The following MAEA variants were observed in gnomAD, a reference collection of about 807,000 sequenced individuals.
MAEA encodes the protein E3 ubiquitin-protein transferase MAEA.
In MAEA, 22 loss-of-function variants were observed where a neutral mutation model predicts 46.2. The observed-to-expected ratio is 0.48, with a 90% CI of 0.34 to 0.68. The LOEUF is 0.68. MAEA is among the 30% of genes least tolerant of loss of function. The pLI is 0.01. For missense variants in MAEA, 393 were observed against 558.1 expected, an observed-to-expected ratio of 0.70 and a Z score of 2.98; for synonymous variants, 246 against 222.6, an observed-to-expected ratio of 1.11 and a Z score of -0.94.
chr4:1,338,206 A>G, intron 7 of MAEA: 1 of 501,734 alleles, frequency 2.0e-6, no homozygotes. Flanking sequence ...GGCCGGGGTG[A>G]GAAGGCGCAG....
At chr4:1,328,956 G>T (rs990594270) in intron 5 of MAEA, 22 of 993,028 alleles carry the variant, frequency 2.2e-5, no homozygotes, top group Non-Finnish European at 2.3e-5. Context: ...CACGGCCAGG[G>T]GCCCCCTGTC....
intron 1 of MAEA, among the ~76,000 whole-genome samples, chr4:1,296,681 C>T (rs1004582099): frequency 2.0e-5 from 3 of 151,902 alleles, no homozygotes; most frequent in Non-Finnish European, 4.4e-5. Flanking sequence ...CTGTCTCTGC[C>T]CCTTCATGTC....
chr4:1,324,977 C>A (rs1398725007), intron 4 of MAEA, among the ~76,000 whole-genome samples: 1 of 152,028 alleles, frequency 6.6e-6, no homozygotes, highest in African/African-American at 2.4e-5. Flanking sequence ...CTGGACGGGG[C>A]CTGAATCCAT....
In MAEA at chr4:1,315,546, G is replaced by A; in HGVS notation, c.402G>A (p.Leu134=). 1 of 1,613,808 alleles carries A rather than the reference G, an allele frequency of 6.2e-7. No individual in the cohort carries two copies. The highest frequency in any genetic ancestry group is 1.7e-5 in the Admixed American group (1 of 60,018). Residue 134 remains leucine (L), a synonymous_variant, in exon 3 of 9, where the codon CTG becomes CTA. Transcript: ENST00000303400. The part of the protein sequence containing the change: ...RMDRMMVEHL[L]RCGYYNTAVK... ...ATCGCATGATGGTGGAGCACCTGCTGCGTTGCGGCTACTACAACACGGCTG... is the reference window on the plus strand; with the variant it reads ...ATCGCATGATGGTGGAGCACCTGCTACGTTGCGGCTACTACAACACGGCTG...
At chr4:1,324,322 T>A (rs975881226) in intron 4 of MAEA, among the ~76,000 whole-genome samples, 4 of 130,244 alleles carry the variant, frequency 3.1e-5, no homozygotes, top group African/African-American at 8.9e-5. Context: ...TTGAGATTGG[T>A]TTGGATGAAG....
chr4:1,300,460 G>A (rs116060086), intron 1 of MAEA, among the ~76,000 whole-genome samples: 2,422 of 152,324 alleles, frequency 0.016, 27 homozygotes, highest in Admixed American at 0.024. Context: ...GGTGAGAGAG[G>A]AAGCTCTGCT....
rs1445909743 is a variant in MAEA, at chr4:1,303,821, A to AT, written c.70-8152dup. Among the ~76,000 whole-genome samples, 7 of 150,720 alleles carry AT rather than the reference A, an allele frequency of 4.6e-5. No homozygotes were observed. The East Asian group carries it at 7.8e-4, about 17-fold the overall frequency. On this transcript the variant is annotated intron_variant, in intron 1 of 8. Transcript: ENST00000303400. ...TGGTAAAATTAAAAATGACATTGGG[A>AT]TTTTTTGTATGATTCAGCTTAATAG...
chr4:1,292,431 G>C (rs1281894162), intron 1 of MAEA, among the ~76,000 whole-genome samples: 3 of 152,164 alleles, frequency 2.0e-5, no homozygotes, highest in Non-Finnish European at 4.4e-5. Context: ...GAAGTGGGAA[G>C]AGAATGGAAC....
At position 1,315,154 on chromosome 4, in the gene MAEA, A is replaced by G. The variant is rs180922117; in HGVS notation, c.253-243A>G. On this transcript the variant is annotated intron_variant, in intron 2 of 8. Transcript: ENST00000303400. ...CAACATGGCTTCAGGGTATATTAAT[A>G]TAAAGCCAGAAATAGCAGAGAGAAG... Among the ~76,000 whole-genome samples, 499 of 152,366 alleles carry G rather than the reference A, an allele frequency of 3.3e-3. 8 individuals carry two copies. The highest frequency in any genetic ancestry group is 0.011 in the African/African-American group (476 of 41,586).
intron 1 of MAEA, 76 bp downstream of exon 1, chr4:1,290,058 C>A: frequency 8.4e-7 from 1 of 1,190,354 alleles, no homozygotes; most frequent in Non-Finnish European, 1.1e-6. Context: ...GAGGGGCCGC[C>A]CCGGGAGGGC....
intron 1 of MAEA, chr4:1,298,072 G>C (rs1215694716): frequency 4.4e-6 from 2 of 456,326 alleles, no homozygotes; most frequent in Admixed American, 4.7e-5. Flanking sequence ...CTGCCTGGCA[G>C]CATAGCCATG....
At chr4:1,299,300 C>G (rs1735084514) in intron 1 of MAEA, among the ~76,000 whole-genome samples, 1 of 152,224 alleles carries the variant, frequency 6.6e-6, no homozygotes, top group Admixed American at 6.5e-5. Context: ...CCAGAACCTT[C>G]AGGTTGGCCT....
rs1176719208 is a variant in MAEA, at chr4:1,335,299, T to A, written c.766-1562T>A. ...GCACTGAGCTGTCCTTCCAGCTGTGTGAGTCTATTTTTTGTCACAGTGCAC... is the reference window on the plus strand; with the variant it reads ...GCACTGAGCTGTCCTTCCAGCTGTGAGAGTCTATTTTTTGTCACAGTGCAC... On this transcript the variant is annotated intron_variant, in intron 6 of 8. Coordinates refer to ENST00000303400, the MANE Select transcript of MAEA (RefSeq NM_001017405.3). 3 of 985,370 alleles carry A rather than the reference T, an allele frequency of 3.0e-6. No homozygotes were observed. The African/African-American group carries it at 5.2e-5, about 17-fold the overall frequency. 61.0% of individuals were successfully genotyped at this position (985,370 alleles called of 1,614,324 possible).
chr4:1,339,431 T>A lies in MAEA; in HGVS notation c.*262T>A. On this transcript the variant is annotated 3_prime_UTR_variant, in exon 9 of 9. Transcript: ENST00000303400. ...AGTACTTTCAACTTGCGAAGGAAAC[T>A]CTTCTTTAAAGACTGACCTAAACAC... 1 of 510,574 alleles carries A rather than the reference T, an allele frequency of 2.0e-6. No homozygotes were observed. The allele number at this position is 510,574 out of a possible 1,614,324, so 31.6% of individuals were successfully genotyped here.
chr4:1,325,207 T>C (rs1027608527), intron 4 of MAEA, among the ~76,000 whole-genome samples: 3 of 152,130 alleles, frequency 2.0e-5, no homozygotes, highest in African/African-American at 7.2e-5. Flanking sequence ...GAAAAGAAAC[T>C]TGAGACCCAA....
chr4:1,297,880 G>A (rs1478141557), intron 1 of MAEA: 7 of 415,228 alleles, frequency 1.7e-5, no homozygotes, highest in Non-Finnish European at 3.0e-5. Context: ...AGCCTCTTGC[G>A]TTTCCTTTCT....
At position 1,328,243 on chromosome 4, in the gene MAEA, C is replaced by CCTGAGAA. The variant is rs1172146750; in HGVS notation, c.656+541_656+547dup. The stretch of plus-strand genomic sequence containing the variant: ...GGCCAGCGGCGCCCTGGTGGTCAGG[C>CCTGAGAA]CTGAGAAGGGGATGCTGGCTGTCAC... On this transcript the variant is annotated intron_variant, in intron 5 of 8. Coordinates refer to ENST00000303400, the MANE Select transcript of MAEA (RefSeq NM_001017405.3). 2.0e-5 allele frequency among the ~76,000 whole-genome samples: 3 copies of CCTGAGAA among 152,358 alleles called. No individual in the cohort carries two copies. The East Asian group carries it at 5.8e-4, about 29-fold the overall frequency.
chr4:1,298,023 C>G (rs1406148452), intron 1 of MAEA: 1 of 456,350 alleles, frequency 2.2e-6, no homozygotes, highest in Admixed American at 2.3e-5. Context: ...CACCTATCTG[C>G]TGAGGAACCC....
At chr4:1,294,212 C>T (rs1282323084) in intron 1 of MAEA, among the ~76,000 whole-genome samples, 5 of 152,204 alleles carry the variant, frequency 3.3e-5, no homozygotes, top group African/African-American at 1.2e-4. Flanking sequence ...TTGTGGCTCC[C>T]AGCTCCACTC....
Sources: allele counts gnomAD v4.1 joint callset (sites outside exome capture counted in the v4.1 genomes callset), GRCh38; gene constraint gnomAD v4.1.1; transcripts MANE v1.5; gene names NCBI Gene and HGNC (gene_info 2026-07-23, HGNC 2026-07-21).